The following CSMD1 variants were observed in gnomAD, a reference collection of about 807,000 sequenced individuals.
CSMD1 encodes CUB and sushi domain-containing protein 1.
In CSMD1, 213 loss-of-function variants were observed where a neutral mutation model predicts 417.5. The ratio of observed to expected loss-of-function variants is 0.51; its 90% confidence interval spans 0.46 to 0.57. The LOEUF (loss-of-function observed/expected upper bound fraction) is 0.57, where lower values mean the gene tolerates loss of function less well. Among genes scored for constraint, CSMD1 ranks in the 20% least tolerant of loss-of-function variants. The probability of loss-of-function intolerance (pLI) is 0.00; values close to 1 mark genes in which losing one functional copy is unlikely to be tolerated. For synonymous variants in CSMD1, 2,862 were observed against 1,736.8 expected, an observed-to-expected ratio of 1.65 and a Z score of -16.11; for missense variants, 6,923 against 4,529.7, an observed-to-expected ratio of 1.53 and a Z score of -15.17.
intron 7 of CSMD1, among the ~76,000 whole-genome samples, chr8:3,686,760 A>C (rs1799963905): frequency 6.6e-6 from 1 of 152,214 alleles, no homozygotes; most frequent in Non-Finnish European, 1.5e-5. Context: ...TGTCCAAGCC[A>C]GTCTATCAGT....
At chr8:3,914,000 T>G (rs1241897305) in intron 5 of CSMD1, among the ~76,000 whole-genome samples, 1 of 152,178 alleles carries the variant, frequency 6.6e-6, no homozygotes, top group African/African-American at 2.4e-5. Flanking sequence ...TTGTAATACT[T>G]TGTTATTCTT....
chr8:4,377,547 G>T (rs1008103004), intron 3 of CSMD1, among the ~76,000 whole-genome samples: 5 of 152,150 alleles, frequency 3.3e-5, no homozygotes, highest in African/African-American at 1.2e-4. Flanking sequence ...ACTCAAAGTT[G>T]AGTCAGTAAA....
At chr8:3,415,576 C>G (rs899686974) in intron 12 of CSMD1, among the ~76,000 whole-genome samples, 3 of 152,320 alleles carry the variant, frequency 2.0e-5, no homozygotes, top group African/African-American at 7.2e-5. Flanking sequence ...CCACGCTGGT[C>G]TCCAACTCCT....
chr8:3,280,182 C>T (rs1802622792), intron 26 of CSMD1, among the ~76,000 whole-genome samples: 2 of 150,420 alleles, frequency 1.3e-5, no homozygotes, highest in African/African-American at 2.4e-5. Flanking sequence ...ACAGGTTTGC[C>T]TCGAGAGCCA....
chr8:4,443,521 C>G (rs7014264), intron 2 of CSMD1, among the ~76,000 whole-genome samples: 12,104 of 151,618 alleles, frequency 0.08, 1,331 homozygotes, highest in African/African-American at 0.25. Flanking sequence ...CACCAGAATA[C>G]AGTATAGAAT....
intron 3 of CSMD1, among the ~76,000 whole-genome samples, chr8:4,127,417 C>T (rs1208123905): frequency 1.7e-4 from 25 of 145,492 alleles, no homozygotes; most frequent in Non-Finnish European, 1.0e-4. Context: ...AAACCAACCA[C>T]CTTTTCTGAA....
chr8:3,586,117 C>T lies in CSMD1; in HGVS notation c.1222+19G>A, dbSNP rs779971272. 4.4e-6 allele frequency: 7 copies of T among 1,605,428 alleles called. No individual in the cohort carries two copies. The South Asian group carries it at 6.7e-5, about 15-fold the overall frequency. On this transcript the variant is annotated intron_variant, in intron 9 of 69. Transcript: ENST00000635120. Reference sequence around the variant, plus strand: ...AAAGAAAGAGATAATCCAGGCTTTACCCACCGCAGGTGCCTTACCTCGGCA... The same window carrying T: ...AAAGAAAGAGATAATCCAGGCTTTATCCACCGCAGGTGCCTTACCTCGGCA...
chr8:4,249,448 C>A (rs2128829528), intron 3 of CSMD1, among the ~76,000 whole-genome samples: 1 of 152,208 alleles, frequency 6.6e-6, no homozygotes, highest in Admixed American at 6.5e-5. Context: ...TAATCACAAC[C>A]ATGGAGACAG....
Position 3,188,855 on chromosome 8 carries a change from C to G in CSMD1, c.5523+32G>C. On this transcript the variant is annotated intron_variant, in intron 35 of 69. Transcript: ENST00000635120. ...AGAAGCCCATGGACCCCAGCTGAGC[C>G]CTGTTGTAGACTGTGGACTTCAAGG... 3 of 1,469,086 alleles carry G rather than the reference C, an allele frequency of 2.0e-6. 1 individual carries two copies. In the South Asian group the frequency reaches 4.3e-5, roughly 21 times the overall value. 91.0% of individuals were successfully genotyped at this position (1,469,086 alleles called of 1,614,324 possible). A position where few individuals can be genotyped will look rare whatever the true frequency, so the allele number is the denominator to read the frequency against.
At chr8:4,022,799 G>A (rs554396274) in intron 4 of CSMD1, among the ~76,000 whole-genome samples, 14 of 152,162 alleles carry the variant, frequency 9.2e-5, no homozygotes, top group East Asian at 7.7e-4. Flanking sequence ...TTAAGCAATC[G>A]TGTAAGTTAG....
At chr8:4,654,724 G>A (rs753669496) in intron 1 of CSMD1, among the ~76,000 whole-genome samples, 4 of 152,072 alleles carry the variant, frequency 2.6e-5, no homozygotes, top group Non-Finnish European at 5.9e-5. Flanking sequence ...ATTTCTCAAT[G>A]CATTCATAAT....
intron 1 of CSMD1, among the ~76,000 whole-genome samples, chr8:4,855,576 G>C (rs1006825909): frequency 7.2e-5 from 11 of 152,192 alleles, no homozygotes; most frequent in Non-Finnish European, 1.0e-4. Flanking sequence ...TAAAGGAGCT[G>C]ATGGAGCTGA....
chr8:3,589,994 T>A (rs1284057212), intron 8 of CSMD1, among the ~76,000 whole-genome samples: 1 of 152,120 alleles, frequency 6.6e-6, no homozygotes. Flanking sequence ...CATTAGAGTG[T>A]CCAACAACAG....
Position 4,281,779 on chromosome 8 carries a change from A to G in CSMD1, c.415+138174T>C, listed in dbSNP as rs575575209. Reference sequence around the variant, plus strand: ...TCAAAATACATAAAGGAATAAAGTGATAACTGTATTAAAACTTAATCTTAT... The same window carrying G: ...TCAAAATACATAAAGGAATAAAGTGGTAACTGTATTAAAACTTAATCTTAT... On this transcript the variant is annotated intron_variant, in intron 3 of 69. Coordinates refer to ENST00000635120, the MANE Select transcript of CSMD1 (RefSeq NM_033225.6). 8.5e-5 allele frequency among the ~76,000 whole-genome samples: 13 copies of G among 152,362 alleles called. 1 individual carries two copies. The South Asian group carries it at 1.4e-3, about 17-fold the overall frequency.
intron 3 of CSMD1, among the ~76,000 whole-genome samples, chr8:4,182,046 GTGTGT>G (rs757561941): frequency 1.4e-5 from 2 of 145,974 alleles, no homozygotes; most frequent in African/African-American, 5.2e-5. Flanking sequence ...GTGTGTGTCG[GTGTGT>G]GTGTGTGTGT....
intron 7 of CSMD1, among the ~76,000 whole-genome samples, chr8:3,676,550 C>T (rs757537238): frequency 3.4e-4 from 51 of 152,194 alleles, no homozygotes; most frequent in Non-Finnish European, 7.2e-4. Flanking sequence ...GAATGGTACA[C>T]ATGTTCTCCC....
At chr8:4,975,917 T>C (rs919878071) in intron 1 of CSMD1, among the ~76,000 whole-genome samples, 23 of 152,240 alleles carry the variant, frequency 1.5e-4, no homozygotes, top group African/African-American at 5.5e-4. Flanking sequence ...GTTGCTCACA[T>C]TGGCCATATG....
chr8:3,389,338 G>A (rs972097312), intron 17 of CSMD1, among the ~76,000 whole-genome samples: 1 of 152,000 alleles, frequency 6.6e-6, no homozygotes. Flanking sequence ...TCATCATTTA[G>A]CTCCCACTTA....
intron 5 of CSMD1, among the ~76,000 whole-genome samples, chr8:3,762,530 T>A (rs1798063798): frequency 6.6e-6 from 1 of 152,228 alleles, no homozygotes; most frequent in Admixed American, 6.5e-5. Context: ...CCTCTGTGAC[T>A]CAGCGAGTCT....
Sources: allele counts gnomAD v4.1 joint callset (sites outside exome capture counted in the v4.1 genomes callset), GRCh38; gene constraint gnomAD v4.1.1; transcripts MANE v1.5; gene names NCBI Gene and HGNC (gene_info 2026-07-23, HGNC 2026-07-21).